The following CSMD2 variants were observed in gnomAD, a reference collection of about 807,000 sequenced individuals.
The protein encoded by CSMD2 is CUB and Sushi multiple domains 2, also known as CUB and sushi domain-containing protein 2.
A neutral mutation model predicts 398.5 loss-of-function variants in CSMD2; 130 were observed. That is an observed-to-expected ratio of 0.33 (90% confidence interval 0.28 to 0.38). The LOEUF is 0.38. CSMD2 is among the 10% of genes least tolerant of loss of function. The probability of loss-of-function intolerance (pLI) is 1.00; values close to 1 mark genes in which losing one functional copy is unlikely to be tolerated. For synonymous variants in CSMD2, 1,828 were observed against 1,908.5 expected (o/e 0.96, Z 1.10); for missense variants, 3,829 against 4,764.9 (o/e 0.80, Z 5.78).
chr1:33,541,865 T>C (rs1656376396), intron 58 of CSMD2, among the ~76,000 whole-genome samples: 1 of 152,152 alleles, frequency 6.6e-6, no homozygotes, highest in Non-Finnish European at 1.5e-5. Flanking sequence ...GACAATTGAT[T>C]TGTCTGCTGA....
intron 10 of CSMD2, among the ~76,000 whole-genome samples, chr1:33,799,980 T>C (rs998436734): frequency 6.6e-6 from 1 of 152,228 alleles, no homozygotes; most frequent in African/African-American, 2.4e-5. Context: ...AACTGCAGGA[T>C]AGAGTTCAGC....
chr1:34,096,255 A>G (rs1165278030), intron 1 of CSMD2, among the ~76,000 whole-genome samples: 195 of 152,002 alleles, frequency 1.3e-3, no homozygotes, highest in African/African-American at 4.4e-3. Flanking sequence ...TTGATGGGAC[A>G]TATTTCAAAA....
At chr1:33,549,528 A>G (rs1471940997) in intron 56 of CSMD2, among the ~76,000 whole-genome samples, 1 of 152,278 alleles carries the variant, frequency 6.6e-6, no homozygotes, top group Non-Finnish European at 1.5e-5. Context: ...TACTGTGGAC[A>G]TAGGACCTTT....
chr1:33,918,280 G>T lies in CSMD2; in HGVS notation c.734C>A (p.Thr245Asn), dbSNP rs1322084099. 3 of 1,613,950 alleles carry T rather than the reference G, an allele frequency of 1.9e-6. No individual in the cohort carries two copies. Among genetic ancestry groups the T allele is most frequent in the Non-Finnish European group, 2.5e-6 (3 of 1,180,002 alleles). The change falls in exon 5 of 71, where the codon ACC (threonine) becomes AAC (asparagine). Residue 245 changes from threonine (T) to asparagine (N), a missense_variant. Thr to Asn is a moderately conservative substitution (Grantham distance 65). Around this residue, in one of 5 missense-constraint regions of CSMD2, gnomAD observed 2,001 missense variants for 2,567.1 expected, o/e 0.78. Coordinates refer to ENST00000373381, the MANE Select transcript of CSMD2 (RefSeq NM_001281956.2). ...GATGATGCCACTCTGGCCCCGCAGG[G>T]TCCCACCACAGGCATCATCAGCTGT... Reference protein sequence around the residue: ...SCRADDACGGTLRGQSGIISS... With the variant: ...SCRADDACGGNLRGQSGIISS...
chr1:33,956,632 C>G (rs1022381558), intron 3 of CSMD2, among the ~76,000 whole-genome samples: 10 of 152,062 alleles, frequency 6.6e-5, no homozygotes, highest in African/African-American at 2.4e-5. Context: ...CTATGTTCCA[C>G]CCCCACACCC....
intron 5 of CSMD2, among the ~76,000 whole-genome samples, chr1:33,903,637 A>G (rs1315666959): frequency 6.6e-6 from 1 of 152,214 alleles, no homozygotes; most frequent in African/African-American, 2.4e-5. Flanking sequence ...CTAAGTGCCA[A>G]GATGCACATT....
At chr1:33,883,709 G>A (rs1196501503) in intron 5 of CSMD2, among the ~76,000 whole-genome samples, 1 of 152,188 alleles carries the variant, frequency 6.6e-6, no homozygotes, top group Non-Finnish European at 1.5e-5. Flanking sequence ...GGAGTCTACA[G>A]TCAAAGACCC....
intron 47 of CSMD2, among the ~76,000 whole-genome samples, chr1:33,581,749 G>A (rs948468488): frequency 2.0e-5 from 3 of 152,062 alleles, no homozygotes; most frequent in Non-Finnish European, 4.4e-5. Flanking sequence ...ATTGCATCCC[G>A]AGGGGGCTGG....
intron 27 of CSMD2, among the ~76,000 whole-genome samples, chr1:33,656,458 C>G (rs533063686): frequency 3.3e-5 from 5 of 152,328 alleles, no homozygotes; most frequent in Non-Finnish European, 7.3e-5. Flanking sequence ...CTATGCGGCT[C>G]CTAATTCCCA....
intron 15 of CSMD2, among the ~76,000 whole-genome samples, chr1:33,734,246 T>C (rs1402027572): frequency 6.6e-6 from 1 of 151,542 alleles, no homozygotes; most frequent in Non-Finnish European, 1.5e-5. Flanking sequence ...GATGTGTTTA[T>C]ACCAAACTGT....
rs1356875498 is a variant in CSMD2, at chr1:34,088,991, C to T, written c.390G>A (p.Glu130=). The change falls in exon 2 of 71, where the codon GAG becomes GAA. Residue 130 remains glutamate, a synonymous_variant. Transcript: ENST00000373381. ...LSVFDGPPQP[E]NLRTRLTGFQ... ...CAGCATGGTACCTCGTACGCAGATT[C>T]TCTGGCTGGGGTGGACCATCAAACA... 2 of 1,613,780 alleles carry T rather than the reference C, an allele frequency of 1.2e-6. No individual in the cohort carries two copies. Among genetic ancestry groups the T allele is most frequent in the Non-Finnish European group, 8.5e-7 (1 of 1,179,998 alleles).
At chr1:34,155,042 T>C (rs1293154929) in intron 1 of CSMD2, among the ~76,000 whole-genome samples, 1 of 152,190 alleles carries the variant, frequency 6.6e-6, no homozygotes, top group Non-Finnish European at 1.5e-5. Flanking sequence ...CATGCATATT[T>C]GAAGACATAT....
At chr1:33,568,269 T>C (rs1037945491) in intron 52 of CSMD2, among the ~76,000 whole-genome samples, 1 of 149,818 alleles carries the variant, frequency 6.7e-6, no homozygotes, top group Non-Finnish European at 1.5e-5. Flanking sequence ...CTCACTGCAA[T>C]GTCCACCTCC....
intron 1 of CSMD2, among the ~76,000 whole-genome samples, chr1:34,103,702 T>C (rs529666175): frequency 6.6e-5 from 10 of 152,272 alleles, no homozygotes; most frequent in Non-Finnish European, 1.2e-4. Flanking sequence ...AATGAATTAA[T>C]CTTTTGTATT....
chr1:34,138,334 C>G (rs1638953791), intron 1 of CSMD2, among the ~76,000 whole-genome samples: 1 of 152,194 alleles, frequency 6.6e-6, no homozygotes, highest in Admixed American at 6.5e-5. Flanking sequence ...AAGCTTGTCA[C>G]TAAGGTAAGG....
intron 5 of CSMD2, among the ~76,000 whole-genome samples, chr1:33,914,261 A>G (rs900967313): frequency 2.0e-5 from 3 of 152,120 alleles, no homozygotes; most frequent in Non-Finnish European, 4.4e-5. Flanking sequence ...TGAACTGGAA[A>G]TGGAACTGTG....
At chr1:33,687,401 C>A (rs1645094126) in intron 25 of CSMD2, among the ~76,000 whole-genome samples, 1 of 151,622 alleles carries the variant, frequency 6.6e-6, no homozygotes, top group African/African-American at 2.4e-5. Flanking sequence ...GCAAGATTTC[C>A]AAAACAAAAA....
chr1:34,038,950 T>A (rs1651501954), intron 2 of CSMD2, among the ~76,000 whole-genome samples: 2 of 152,220 alleles, frequency 1.3e-5, no homozygotes, highest in African/African-American at 4.8e-5. Context: ...TGCCCCATCT[T>A]CAGGGTCTTT....
At chr1:33,696,348 C>A (rs773562894) in intron 24 of CSMD2, among the ~76,000 whole-genome samples, 1 of 152,138 alleles carries the variant, frequency 6.6e-6, no homozygotes, top group Non-Finnish European at 1.5e-5. Context: ...TTTCATGGAC[C>A]CGTTGGTTTC....
Sources: gnomAD v4.1 joint callset for allele counts (sites outside exome capture counted in the v4.1 genomes callset) on GRCh38, gnomAD v4.1.1 for gene constraint, gnomAD v4.1.1 regional missense constraint, MANE v1.5 for transcripts, NCBI Gene and HGNC (gene_info 2026-07-23, HGNC 2026-07-21) for gene names.